TTK: variants seen among roughly 807,000 people sequenced by gnomAD.
The protein encoded by TTK is TTK protein kinase, also known as dual specificity protein kinase TTK.
TTK carries 59 observed loss-of-function variants against 117.3 expected under a neutral mutation model. The observed-to-expected ratio is 0.50, with a 90% confidence interval of 0.41 to 0.62. TTK has a LOEUF of 0.62. Among genes scored for constraint, TTK ranks in the 20% least tolerant of loss-of-function variants. TTK has a pLI of 0.00. For synonymous variants in TTK, 302 were observed against 325.0 expected, an observed-to-expected ratio of 0.93 and a Z score of 0.76; for missense variants, 921 against 989.4, an observed-to-expected ratio of 0.93 and a Z score of 0.93.
At chr6:80,013,522 G>A (rs879875955) in intron 9 of TTK, 156 bp downstream of exon 9, 3 of 577,210 alleles carry the variant, frequency 5.2e-6, no homozygotes, top group Non-Finnish European at 9.0e-6. Flanking sequence ...CGAGTGGGAA[G>A]TTGGTGCAGA....
chr6:80,011,757 A>C lies in TTK; in HGVS notation c.757A>C (p.Ile253Leu). 1 of 1,612,848 alleles carries C rather than the reference A, an allele frequency of 6.2e-7. No individual in the cohort carries two copies. The highest frequency in any genetic ancestry group is 8.5e-7 in the Non-Finnish European group (1 of 1,179,214). ...GAACATGCCACCACAAGATGCAGAA[A>C]TAGGTTACCGGAATTCATTGAGACA... The part of the protein sequence containing the change: ...GENMPPQDAE[I>L]GYRNSLRQTN... The change falls in exon 7 of 22, where the codon ATA (isoleucine) becomes CTA (leucine). Residue 253 changes from isoleucine (I) to leucine (L), a missense_variant. Ile to Leu is a conservative substitution (Grantham distance 5). Transcript: ENST00000369798.
intron 13 of TTK, among the ~76,000 whole-genome samples, chr6:80,028,794 G>GCAA (rs917433727): frequency 6.6e-6 from 1 of 152,074 alleles, no homozygotes; most frequent in African/African-American, 2.4e-5. Context: ...TGCTGATGAG[G>GCAA]CAAAAGTTGG....
chr6:80,010,663 C>G (rs1028636545), intron 4 of TTK, 151 bp from the exon 5 acceptor site: 1 of 733,944 alleles, frequency 1.4e-6, no homozygotes, highest in African/African-American at 1.8e-5. Flanking sequence ...GCTTACTTGC[C>G]TATGAAATAA....
chr6:80,013,151 CTTT>C (rs1206694157), intron 8 of TTK, 125 bp from the exon 9 acceptor site: 6 of 738,732 alleles, frequency 8.1e-6, no homozygotes, highest in Admixed American at 3.1e-5. Context: ...TAAAAAATGT[CTTT>C]TTAAGAGATT....
intron 10 of TTK, among the ~76,000 whole-genome samples, chr6:80,017,184 A>T (rs1249560291): frequency 6.6e-6 from 1 of 152,220 alleles, no homozygotes; most frequent in Non-Finnish European, 1.5e-5. Flanking sequence ...CCATTTATTG[A>T]AAAGATCCTC....
chr6:80,012,909 T>C lies in TTK; in HGVS notation c.897-370T>C, dbSNP rs3823176. Among the ~76,000 whole-genome samples the C allele has an allele frequency of 4.6e-5, 7 of 152,224 alleles. No individual in the cohort carries two copies. In the East Asian group the frequency reaches 1.2e-3, roughly 25 times the overall value. On this transcript the variant is annotated intron_variant, in intron 8 of 21. Coordinates refer to ENST00000369798, the MANE Select transcript of TTK (RefSeq NM_003318.5). Reference sequence around the variant, plus strand: ...GGTTCCTGTTATCGATAGACAATGCTAGGTACTGTGGAGGTCCACAGAAGT... The same window carrying C: ...GGTTCCTGTTATCGATAGACAATGCCAGGTACTGTGGAGGTCCACAGAAGT...
chr6:80,026,652 T>G, intron 12 of TTK, 138 bp downstream of exon 12: 1 of 1,258,192 alleles, frequency 7.9e-7, no homozygotes, highest in Non-Finnish European at 1.1e-6. Flanking sequence ...TTTTTCAGCA[T>G]CAGTGTTTTC....
intron 4 of TTK, among the ~76,000 whole-genome samples, chr6:80,009,974 A>G (rs1317027539): frequency 6.6e-6 from 1 of 152,094 alleles, no homozygotes; most frequent in Admixed American, 6.6e-5. Flanking sequence ...TTCTACCACT[A>G]CTTAGTAAAT....
At chr6:80,016,117 A>G (rs1767301132) in intron 10 of TTK, among the ~76,000 whole-genome samples, 1 of 152,242 alleles carries the variant, frequency 6.6e-6, no homozygotes, top group Non-Finnish European at 1.5e-5. Flanking sequence ...TAAATATAGT[A>G]TAATTTGTTT....
chr6:80,013,376 T>G lies in TTK; in HGVS notation c.984+10T>G. On this transcript the variant is annotated intron_variant, in intron 9 of 21. Transcript: ENST00000369798. ...ATTAAGAAATTTAAAGGTATTTTAA[T>G]TCTATATCATTATATAAAGCAAGGG... 6.3e-7 allele frequency: 1 copy of G among 1,579,124 alleles called. No homozygotes were observed. Among genetic ancestry groups the G allele is most frequent in the Non-Finnish European group, 8.6e-7 (1 of 1,162,474 alleles).
At chr6:80,008,255 CTT>C in intron 3 of TTK, 129 bp from the exon 4 acceptor site, 1 of 1,033,498 alleles carries the variant, frequency 9.7e-7, no homozygotes, top group South Asian at 1.6e-5. Context: ...TTTAAAATAA[CTT>C]ATTAGTATTT....
In TTK at chr6:80,013,338, A is replaced by G. The variant is rs370307286; in HGVS notation, c.956A>G (p.Asn319Ser). The G allele has an allele frequency of 3.5e-4, 564 of 1,602,140 alleles. No homozygotes were observed. The highest frequency in any genetic ancestry group is 4.6e-4 in the Non-Finnish European group (542 of 1,176,338). The change falls in exon 9 of 22, where the codon AAT becomes AGT. Residue 319 changes from asparagine to serine, a missense_variant. Asn to Ser is a conservative substitution (Grantham distance 46). Coordinates refer to ENST00000369798, the MANE Select transcript of TTK (RefSeq NM_003318.5). ...LVVPGSKPSG[N>S]DSCELRNLKS... ...GTGCCTGGATCTAAACCAAGTGGAA[A>G]TGATTCCTGTGAATTAAGAAATTTA...
chr6:80,042,265 A>C lies in TTK; in HGVS notation c.*63A>C. 2 of 1,300,712 alleles carry C rather than the reference A, an allele frequency of 1.5e-6. No individual in the cohort carries two copies. Among genetic ancestry groups the C allele is most frequent in the Non-Finnish European group, 2.1e-6 (2 of 933,508 alleles). The allele number at this position is 1,300,712 out of a possible 1,614,324, so 80.6% of individuals were successfully genotyped here. ...ATATATTGGACTGTTATACTCTTGA[A>C]TCCCTGTGGAAATCTACATTTGAAG... is the stretch of plus-strand genomic sequence containing the variant. On this transcript the variant is annotated 3_prime_UTR_variant, in exon 22 of 22. Coordinates refer to ENST00000369798, the MANE Select transcript of TTK (RefSeq NM_003318.5).
intron 2 of TTK, 80 bp from the exon 3 acceptor site, chr6:80,007,729 G>A: frequency 8.5e-7 from 1 of 1,172,878 alleles, no homozygotes; most frequent in Non-Finnish European, 1.2e-6. Flanking sequence ...ACAAATGTTT[G>A]ACTATATTTT....
Position 80,013,763 on chromosome 6 carries a change from G to A in TTK, c.984+397G>A, listed in dbSNP as rs115161728. On this transcript the variant is annotated intron_variant, in intron 9 of 21. Coordinates refer to ENST00000369798, the MANE Select transcript of TTK (RefSeq NM_003318.5). ...AAAAATGAGAGAGTAAATTGAGTTA[G>A]GGCAGAGGTGAGGACATAAATAATC... Among the ~76,000 whole-genome samples the A allele has an allele frequency of 2.8e-3, 431 of 152,080 alleles. 1 individual carries two copies. The highest frequency in any genetic ancestry group is 0.01 in the African/African-American group (415 of 41,500).
chr6:80,005,993 C>T lies in TTK; in HGVS notation c.139+11C>T. 1 of 1,597,892 alleles carries T rather than the reference C, an allele frequency of 6.3e-7. No homozygotes were observed. The highest frequency in any genetic ancestry group is 8.5e-7 in the Non-Finnish European group (1 of 1,176,204). The stretch of plus-strand genomic sequence containing the variant: ...CTGCTGATACTACAGGTGAGTTTTT[C>T]TTTTCTTTTAAGTTAGTAACTGTTT... On this transcript the variant is annotated intron_variant, in intron 2 of 21. Coordinates refer to ENST00000369798, the MANE Select transcript of TTK (RefSeq NM_003318.5).
chr6:80,005,762 C>G, intron 1 of TTK, 80 bp from the exon 2 acceptor site: 7 of 1,518,932 alleles, frequency 4.6e-6, no homozygotes, highest in Non-Finnish European at 6.3e-6. Context: ...CTTTAGTCGT[C>G]TGGGTTCTAA....
chr6:80,035,427 A>G lies in TTK; in HGVS notation c.1924+10A>G. On this transcript the variant is annotated intron_variant, in intron 16 of 21. Coordinates refer to ENST00000369798, the MANE Select transcript of TTK (RefSeq NM_003318.5). ...ACAATCCATCAACATGGTATTTAAC[A>G]GTTTTTTTATATTTGTAAGGTTAAA... 2 of 1,587,128 alleles carry G rather than the reference A, an allele frequency of 1.3e-6. No homozygotes were observed. Among genetic ancestry groups the G allele is most frequent in the Non-Finnish European group, 1.7e-6 (2 of 1,171,040 alleles).
At chr6:80,030,617 G>C (rs1267526236) in intron 13 of TTK, among the ~76,000 whole-genome samples, 1 of 152,056 alleles carries the variant, frequency 6.6e-6, no homozygotes, top group Non-Finnish European at 1.5e-5. Flanking sequence ...GAGGGAGAGA[G>C]AGAGTTGGGG....
Sources: allele counts gnomAD v4.1 joint callset (sites outside exome capture counted in the v4.1 genomes callset), GRCh38; gene constraint gnomAD v4.1.1; transcripts MANE v1.5; gene names NCBI Gene and HGNC (gene_info 2026-07-23, HGNC 2026-07-21).